USP13: variants seen among roughly 807,000 people sequenced by gnomAD.
The protein encoded by USP13 is ubiquitin specific peptidase 13.
USP13 carries 68 observed loss-of-function variants against 107.8 expected under a neutral mutation model. The ratio of observed to expected loss-of-function variants is 0.63; its 90% CI spans 0.52 to 0.77. The LOEUF (loss-of-function observed/expected upper bound fraction) is 0.77, where lower values mean the gene tolerates loss of function less well. USP13 is among the 30% of genes least tolerant of loss of function. The pLI is 0.00. For missense variants in USP13, 945 were observed against 1,093.3 expected (o/e 0.86, Z 1.91); for synonymous variants, 377 against 389.5 (o/e 0.97, Z 0.38).
Position 179,761,218 on chromosome 3 carries a change from G to T in USP13, c.2055G>T (p.Val685=). The change falls in exon 17 of 21, where the codon GTG becomes GTT. Residue 685 remains valine, a synonymous_variant. Coordinates refer to ENST00000263966, the MANE Select transcript of USP13 (RefSeq NM_003940.3). ...VYFTGNMGAE[V]AFNWIIVHME... Reference sequence around the variant, plus strand: ...TCACTGGAAATATGGGCGCCGAGGTGGCCTTCAACTGGATCATTGTTCACA... The same window carrying T: ...TCACTGGAAATATGGGCGCCGAGGTTGCCTTCAACTGGATCATTGTTCACA... The T allele has an allele frequency of 2.5e-6, 4 of 1,614,176 alleles. No homozygotes were observed. The highest frequency in any genetic ancestry group is 3.4e-6 in the Non-Finnish European group (4 of 1,180,038).
At chr3:179,739,991 A>G (rs2108511420) in intron 10 of USP13, among the ~76,000 whole-genome samples, 1 of 152,340 alleles carries the variant, frequency 6.6e-6, no homozygotes, top group Non-Finnish European at 1.5e-5. Flanking sequence ...TACTTTCTAA[A>G]GTGTGTGTCA....
At chr3:179,670,254 T>G (rs1265977151) in intron 1 of USP13, among the ~76,000 whole-genome samples, 4 of 152,170 alleles carry the variant, frequency 2.6e-5, no homozygotes, top group African/African-American at 9.7e-5. Flanking sequence ...CTGCTGGAAA[T>G]TATCTTCGAT....
At chr3:179,760,449 A>C (rs1576984268) in intron 16 of USP13, among the ~76,000 whole-genome samples, 1 of 151,540 alleles carries the variant, frequency 6.6e-6, no homozygotes, top group Admixed American at 6.6e-5. Context: ...ACGCCCGGCT[A>C]ATTTTTTGTA....
Position 179,787,811 on chromosome 3 carries a change from AG to A in USP13, c.*3672del, listed in dbSNP as rs1183231678. 3 of 152,262 alleles carry A rather than the reference AG, an allele frequency of 2.0e-5. No homozygotes were observed. The highest frequency in any genetic ancestry group is 4.8e-5 in the African/African-American group (2 of 41,444). 9.4% of individuals were successfully genotyped at this position (152,262 alleles called of 1,614,324 possible). On this transcript the variant is annotated 3_prime_UTR_variant, in exon 21 of 21. Transcript: ENST00000263966. ...GAGACAGGGTTTTGCCATGTTGGCC[AG>A]GCTGGTCTTGAACTCTTGACCTCAA...
chr3:179,739,382 A>G (rs1714107603), intron 10 of USP13, among the ~76,000 whole-genome samples: 1 of 152,184 alleles, frequency 6.6e-6, no homozygotes, highest in Admixed American at 6.5e-5. Context: ...GCTCTGGTCC[A>G]GAAACAGTAT....
intron 6 of USP13, among the ~76,000 whole-genome samples, chr3:179,714,813 T>G (rs1713049621): frequency 6.6e-6 from 1 of 152,194 alleles, no homozygotes; most frequent in Admixed American, 6.5e-5. Context: ...CTGTTTTCCT[T>G]TCCTGACTAC....
At chr3:179,739,787 G>T (rs1339564057) in intron 10 of USP13, among the ~76,000 whole-genome samples, 2 of 152,114 alleles carry the variant, frequency 1.3e-5, no homozygotes, top group African/African-American at 4.8e-5. Context: ...TCAAACTCCT[G>T]ACCTCAGGTG....
intron 1 of USP13, among the ~76,000 whole-genome samples, chr3:179,669,488 A>T (rs5020912): frequency 0.27 from 41,600 of 151,658 alleles, 6,362 homozygotes; most frequent in Non-Finnish European, 0.35. Flanking sequence ...AATAAATAAA[A>T]AAAATAATAT....
chr3:179,659,310 G>T (rs773008546), intron 1 of USP13, among the ~76,000 whole-genome samples: 1 of 152,136 alleles, frequency 6.6e-6, no homozygotes, highest in East Asian at 1.9e-4. Flanking sequence ...GTATTTAGTG[G>T]TGTGCCTGGT....
chr3:179,743,994 A>T (rs1439322766), intron 12 of USP13, among the ~76,000 whole-genome samples: 2 of 151,452 alleles, frequency 1.3e-5, no homozygotes, highest in African/African-American at 4.9e-5. Flanking sequence ...TTGACATAAA[A>T]TTTTGACTAC....
Position 179,788,635 on chromosome 3 carries a change from A to G in USP13, c.*4494A>G, listed in dbSNP as rs1332740753. 2.0e-5 allele frequency: 3 copies of G among 152,220 alleles called. No individual in the cohort carries two copies. The South Asian group carries it at 6.2e-4, about 32-fold the overall frequency. 9.4% of individuals were successfully genotyped at this position (152,220 alleles called of 1,614,324 possible). A position where few individuals can be genotyped will look rare whatever the true frequency, so the allele number is the denominator to read the frequency against. On this transcript the variant is annotated 3_prime_UTR_variant, in exon 21 of 21. Coordinates refer to ENST00000263966, the MANE Select transcript of USP13 (RefSeq NM_003940.3). ...AATATTAACAATTTAATATATTTAT[A>G]TAATTGAAATTAAAATTCTTTTCAC...
intron 1 of USP13, among the ~76,000 whole-genome samples, chr3:179,667,024 C>G (rs1280376928): frequency 6.6e-6 from 1 of 152,160 alleles, no homozygotes; most frequent in Non-Finnish European, 1.5e-5. Context: ...TCACAGCTGC[C>G]CATTCAACAT....
chr3:179,658,840 T>C (rs1720368235), intron 1 of USP13, among the ~76,000 whole-genome samples: 1 of 152,130 alleles, frequency 6.6e-6, no homozygotes, highest in Admixed American at 6.5e-5. Context: ...AGCCTGCAAA[T>C]GGGAAGTATT....
chr3:179,723,290 T>C (rs2300767), intron 8 of USP13, among the ~76,000 whole-genome samples: 121,675 of 152,154 alleles, frequency 0.8, 49,005 homozygotes, highest in East Asian at 0.93. Context: ...GTGCATTTTC[T>C]ATGTCTATTT....
At chr3:179,764,366 G>T (rs546777813) in intron 18 of USP13, among the ~76,000 whole-genome samples, 198 bp downstream of exon 18, 2 of 152,074 alleles carry the variant, frequency 1.3e-5, no homozygotes, top group East Asian at 3.9e-4. Context: ...TTCACACAGC[G>T]AATGAGATAA....
intron 6 of USP13, among the ~76,000 whole-genome samples, chr3:179,719,458 T>C (rs574808378): frequency 2.6e-5 from 4 of 152,216 alleles, no homozygotes; most frequent in South Asian, 4.1e-4. Flanking sequence ...GAGGGTTTCA[T>C]GGGCAGAAAT....
At chr3:179,736,143 C>G (rs1713989361) in intron 10 of USP13, among the ~76,000 whole-genome samples, 1 of 152,196 alleles carries the variant, frequency 6.6e-6, no homozygotes, top group Non-Finnish European at 1.5e-5. Flanking sequence ...CCTGCATTAT[C>G]CAAGATATCT....
rs536273119 is a variant in USP13, at chr3:179,752,271, C to G, written c.1710-14C>G. 1.1e-5 allele frequency: 17 copies of G among 1,610,450 alleles called. No homozygotes were observed. The Admixed American group carries it at 2.8e-4, about 27-fold the overall frequency. On this transcript the variant is annotated splice_polypyrimidine_tract_variant and intron_variant, in intron 13 of 20. Transcript: ENST00000263966. ...TTGCCTTGTTTCATTGATATATCCC[C>G]TTGTGTTTCCCAGAACATCTCGCTT...
intron 11 of USP13, among the ~76,000 whole-genome samples, chr3:179,741,546 G>A (rs960706312): frequency 2.6e-5 from 4 of 152,030 alleles, no homozygotes; most frequent in Admixed American, 2.6e-4. Context: ...TAGTAGAGAC[G>A]GGGTTTCACC....
Sources: allele counts gnomAD v4.1 joint callset (sites outside exome capture counted in the v4.1 genomes callset), GRCh38; gene constraint gnomAD v4.1.1; transcripts MANE v1.5; gene names NCBI Gene and HGNC (gene_info 2026-07-23, HGNC 2026-07-21).